TOMM6: variants seen among roughly 807,000 people sequenced by gnomAD.
TOMM6 encodes the protein mitochondrial import receptor subunit TOM6 homolog.
In TOMM6, 6 loss-of-function variants were observed where a neutral mutation model predicts 6.0. The ratio of observed to expected loss-of-function variants is 1.00; its 90% CI spans 0.55 to 1.98. The LOEUF (loss-of-function observed/expected upper bound fraction) is 1.98. Among genes scored for constraint, TOMM6 ranks in the 30% most tolerant of loss-of-function variants. TOMM6 has a pLI of 0.00. For synonymous variants in TOMM6, 44 were observed against 36.3 expected, an observed-to-expected ratio of 1.21 and a Z score of -0.76; for missense variants, 104 against 95.3, an observed-to-expected ratio of 1.09 and a Z score of -0.38.
In TOMM6 at chr6:41,788,092, G is replaced by A. The variant is rs200818282; in HGVS notation, c.128+267G>A. Reference sequence around the variant, plus strand: ...GCTAGCACGTAAACAGGCTTTTTCGGCCCTGGACTAGTGCTTTAGCTGGGC... The same window carrying A: ...GCTAGCACGTAAACAGGCTTTTTCGACCCTGGACTAGTGCTTTAGCTGGGC... On this transcript the variant is annotated intron_variant, in intron 1 of 2. Coordinates refer to ENST00000398881, the MANE Select transcript of TOMM6 (RefSeq NM_001382294.1). Among the ~76,000 whole-genome samples, 280 of 152,132 alleles carry A rather than the reference G, an allele frequency of 1.8e-3. 2 individuals are homozygous for A. The highest frequency in any genetic ancestry group is 6.4e-3 in the African/African-American group (266 of 41,516).
intron 1 of TOMM6, among the ~76,000 whole-genome samples, chr6:41,788,269 C>T (rs1171045513): frequency 2.0e-5 from 3 of 150,596 alleles, no homozygotes; most frequent in Admixed American, 6.6e-5. Flanking sequence ...CTCAGCCTCC[C>T]GAGTAGCTGG....
chr6:41,787,886 T>C, intron 1 of TOMM6, 61 bp downstream of exon 1: 1 of 1,532,868 alleles, frequency 6.5e-7, no homozygotes, highest in Non-Finnish European at 8.8e-7. Context: ...TCCCCTTTCT[T>C]GCGAGGCTGG....
intron 1 of TOMM6, 133 bp from the exon 2 acceptor site, chr6:41,789,099 A>G: frequency 1.2e-6 from 1 of 809,392 alleles, no homozygotes; most frequent in Non-Finnish European, 2.0e-6. Context: ...GTGGGTCTTG[A>G]GCAACCTGCC....
rs1272284672 is a variant in TOMM6 at position 41,788,220 on chromosome 6, C to G, written c.128+395C>G. ...AGTGCAGTGGCGCGATCTCGGCTCA[C>G]TGCAAGCTCCGCCTCCCGGGTTCAC... On this transcript the variant is annotated intron_variant, in intron 1 of 2. Transcript: ENST00000398881. Among the ~76,000 whole-genome samples the G allele has an allele frequency of 2.0e-5, 3 of 150,096 alleles. No individual in the cohort carries two copies. The East Asian group carries it at 5.9e-4, about 29-fold the overall frequency.
At chr6:41,789,030 C>T (rs1162371211) in intron 1 of TOMM6, among the ~76,000 whole-genome samples, 1 of 152,230 alleles carries the variant, frequency 6.6e-6, no homozygotes, top group Non-Finnish European at 1.5e-5. Flanking sequence ...AGGCGTGAAC[C>T]ACCGCGCCCA....
At position 41,788,270 on chromosome 6, in the gene TOMM6, G is replaced by T. The variant is rs1369174873; in HGVS notation, c.128+445G>T. 2.6e-5 allele frequency among the ~76,000 whole-genome samples: 3 copies of T among 116,612 alleles called. No individual in the cohort carries two copies. The South Asian group carries it at 9.6e-4, about 37-fold the overall frequency. The allele number at this position is 116,612 out of a possible 152,430, so 76.5% of individuals were successfully genotyped here. On this transcript the variant is annotated intron_variant, in intron 1 of 2. Transcript: ENST00000398881. ...CGCCATTCTCCTGCCTCAGCCTCCC[G>T]AGTAGCTGGGACTACGGCCGCCCGC...
rs1361394260 is a variant in TOMM6 at position 41,789,272 on chromosome 6, T to C, written c.169T>C (p.Trp57Arg). The C allele has an allele frequency of 1.3e-6, 2 of 1,551,370 alleles. No individual in the cohort carries two copies. Among genetic ancestry groups the C allele is most frequent in the Non-Finnish European group, 1.7e-6 (2 of 1,146,988 alleles). ...TTTGGGACTCTTTGCTGCGGGAGTT[T>C]GGCTGGCCAGGAACTTGAGTGACAT... ...LNLGLFAAGV[W>R]LARNLSDIDL... Residue 57 changes from tryptophan (W) to arginine (R), a missense_variant, in exon 2 of 3, where the codon TGG becomes CGG. Transcript: ENST00000398881.
chr6:41,789,116 A>G (rs2127310501), intron 1 of TOMM6, 116 bp from the exon 2 acceptor site: 2 of 943,814 alleles, frequency 2.1e-6, no homozygotes, highest in Middle Eastern at 3.2e-4. Context: ...TGCCGTCACA[A>G]CCACGTATCA....
chr6:41,789,617 A>G lies in TOMM6; in HGVS notation c.*58A>G. ...CGAATCTTCCAAAAAACAGCCTACAATCTGTGACCACCACAAGATGTGCCC... is the reference window on the plus strand; with the variant it reads ...CGAATCTTCCAAAAAACAGCCTACAGTCTGTGACCACCACAAGATGTGCCC... On this transcript the variant is annotated 3_prime_UTR_variant, in exon 3 of 3. Coordinates refer to ENST00000398881, the MANE Select transcript of TOMM6 (RefSeq NM_001382294.1). The G allele has an allele frequency of 3.0e-6, 1 of 329,410 alleles. No homozygotes were observed. The highest frequency in any genetic ancestry group is 3.2e-5 in the South Asian group (1 of 30,890). The allele number at this position is 329,410 out of a possible 1,614,324, so 20.4% of individuals were successfully genotyped here. A position where few individuals can be genotyped will look rare whatever the true frequency, so the allele number is the denominator to read the frequency against.
In TOMM6 at chr6:41,787,838, G is replaced by A; in HGVS notation, c.128+13G>A. On this transcript the variant is annotated intron_variant, in intron 1 of 2. Transcript: ENST00000398881. ...ATGACTTCCGGAGGTAACCGAGCCC[G>A]AGGAACTTGGTCCTTTTCTGGCCCT... 1.9e-6 allele frequency: 3 copies of A among 1,551,618 alleles called. No homozygotes were observed. The highest frequency in any genetic ancestry group is 1.7e-4 in the Middle Eastern group (1 of 5,992).
Position 41,787,817 on chromosome 6 carries a change from C to T in TOMM6, c.120C>T (p.Asp40=), listed in dbSNP as rs1772704128. ...ACCGCTTTGCCACTGATAGGAATGACTTCCGGAGGTAACCGAGCCCGAGGA... is the reference window on the plus strand; with the variant it reads ...ACCGCTTTGCCACTGATAGGAATGATTTCCGGAGGTAACCGAGCCCGAGGA... ...GVYRFATDRN[D]FRRNLILNLG... The change falls in exon 1 of 3, where the codon GAC becomes GAT. Residue 40 remains aspartate (D), a synonymous_variant. Coordinates refer to ENST00000398881, the MANE Select transcript of TOMM6 (RefSeq NM_001382294.1). 6.4e-7 allele frequency: 1 copy of T among 1,551,650 alleles called. No individual in the cohort carries two copies. Among genetic ancestry groups the T allele is most frequent in the South Asian group, 1.2e-5 (1 of 84,074 alleles).
At chr6:41,787,946 G>A in intron 1 of TOMM6, 121 bp downstream of exon 1, 2 of 1,362,380 alleles carry the variant, frequency 1.5e-6, no homozygotes, top group Non-Finnish European at 9.8e-7. Context: ...GCATTGTGGC[G>A]TCTTCGTAGC....
intron 1 of TOMM6, among the ~76,000 whole-genome samples, 194 bp downstream of exon 1, chr6:41,788,019 C>T (rs1772709696): frequency 2.6e-5 from 4 of 152,210 alleles, no homozygotes; most frequent in Admixed American, 2.6e-4. Context: ...AGCGATCTTT[C>T]TGTCATGTGG....
In TOMM6 at chr6:41,789,277, GGC is replaced by G; in HGVS notation, c.175_176del (p.Ala59GlnfsTer5). The G allele has an allele frequency of 6.4e-7, 1 of 1,551,494 alleles. No homozygotes were observed. Among genetic ancestry groups the G allele is most frequent in the Non-Finnish European group, 8.7e-7 (1 of 1,146,992 alleles). On this transcript the variant is annotated frameshift_variant, in exon 2 of 3. Transcript: ENST00000398881. LOFTEE classifies it high-confidence loss of function. The stretch of plus-strand genomic sequence containing the variant: ...GACTCTTTGCTGCGGGAGTTTGGCT[GGC>G]CAGGAACTTGAGTGACATTGACCTC... ...LGLFAAGVWL[A>X]RNLSDIDLMA...
At chr6:41,789,449 A>T in intron 2 of TOMM6, 113 bp downstream of exon 2, 3 of 795,188 alleles carry the variant, frequency 3.8e-6, no homozygotes, top group Non-Finnish European at 6.2e-6. Flanking sequence ...TAAAACCCTT[A>T]ACTATTCCTA....
At chr6:41,788,595 AGC>A in intron 1 of TOMM6, among the ~76,000 whole-genome samples, 1 of 104,818 alleles carries the variant, frequency 9.5e-6, no homozygotes, top group South Asian at 3.2e-4. Context: ...TGGGATTACA[AGC>A]GCGCGCCACC....
chr6:41,789,279 C>A lies in TOMM6; in HGVS notation c.176C>A (p.Ala59Asp). ...CTCTTTGCTGCGGGAGTTTGGCTGGCCAGGAACTTGAGTGACATTGACCTC... is the reference window on the plus strand; with the variant it reads ...CTCTTTGCTGCGGGAGTTTGGCTGGACAGGAACTTGAGTGACATTGACCTC... ...LGLFAAGVWL[A>D]RNLSDIDLMA... The change falls in exon 2 of 3, where the codon GCC (alanine) becomes GAC (aspartate). Residue 59 changes from alanine to aspartate, a missense_variant. Coordinates refer to ENST00000398881, the MANE Select transcript of TOMM6 (RefSeq NM_001382294.1). 2.6e-6 allele frequency: 4 copies of A among 1,551,430 alleles called. No homozygotes were observed. Among genetic ancestry groups the A allele is most frequent in the Non-Finnish European group, 3.5e-6 (4 of 1,146,972 alleles).
intron 1 of TOMM6, 44 bp downstream of exon 1, chr6:41,787,869 C>T (rs1345023542): frequency 1.5e-5 from 23 of 1,539,172 alleles, no homozygotes; most frequent in Admixed American, 2.0e-5. Context: ...GCCCTTAAAT[C>T]CGTATTTCCC....
At chr6:41,789,466 T>C in intron 2 of TOMM6, 102 bp from the exon 3 acceptor site, 1 of 729,720 alleles carries the variant, frequency 1.4e-6, no homozygotes, top group South Asian at 1.7e-5. Flanking sequence ...CCTAGTTAAA[T>C]GTGTTTTCAG....
Sources: gnomAD v4.1 joint callset for allele counts (sites outside exome capture counted in the v4.1 genomes callset) on GRCh38, gnomAD v4.1.1 for gene constraint, MANE v1.5 for transcripts, NCBI Gene and HGNC (gene_info 2026-07-23, HGNC 2026-07-21) for gene names.